The following XRRA1 variants were observed in gnomAD, a reference collection of about 807,000 sequenced individuals.
XRRA1 encodes the protein X-ray radiation resistance-associated protein 1.
In XRRA1, 69 loss-of-function variants were observed where a neutral mutation model predicts 80.2. That is an observed-to-expected ratio of 0.86 (90% CI 0.71 to 1.05). The LOEUF is 1.05. Ranked by LOEUF, XRRA1 falls within the 50% of genes least tolerant of loss-of-function variation. XRRA1 has a pLI of 0.00. For synonymous variants in XRRA1, 348 were observed against 389.9 expected (o/e 0.89, Z 1.27); for missense variants, 967 against 976.4 (o/e 0.99, Z 0.13).
At chr11:74,927,238 A>T (rs1297912176) in intron 7 of XRRA1, among the ~76,000 whole-genome samples, 153 bp downstream of exon 7, 1 of 87,246 alleles carries the variant, frequency 1.1e-5, no homozygotes, top group African/African-American at 4.4e-5. Flanking sequence ...TACAACCCCC[A>T]CCCCCACCCT....
chr11:74,936,529 A>G (rs972707690), intron 4 of XRRA1, among the ~76,000 whole-genome samples: 1 of 152,238 alleles, frequency 6.6e-6, no homozygotes, highest in African/African-American at 2.4e-5. Flanking sequence ...ATAATGTAAA[A>G]GTACAGGCTT....
intron 10 of XRRA1, among the ~76,000 whole-genome samples, chr11:74,895,479 T>C (rs1335227835): frequency 1.3e-5 from 2 of 152,182 alleles, no homozygotes; most frequent in African/African-American, 4.8e-5. Flanking sequence ...CTAGATAAAC[T>C]TGAAAGGCAA....
At chr11:74,920,858 G>A (rs1449062166) in intron 8 of XRRA1, among the ~76,000 whole-genome samples, 4 of 152,212 alleles carry the variant, frequency 2.6e-5, no homozygotes, top group Non-Finnish European at 5.9e-5. Context: ...ACCAGCCAGA[G>A]GAATGGCCTC....
intron 10 of XRRA1, among the ~76,000 whole-genome samples, chr11:74,899,991 C>G (rs1032738750): frequency 1.3e-5 from 2 of 151,942 alleles, no homozygotes; most frequent in Non-Finnish European, 1.5e-5. Context: ...TGGTGAAACC[C>G]TGTCTCTACT....
intron 10 of XRRA1, chr11:74,877,109 T>C (rs1249565073): frequency 6.6e-6 from 1 of 152,238 alleles, no homozygotes; most frequent in African/African-American, 2.4e-5. Context: ...AATATTCTAA[T>C]TGCTGTAATA....
chr11:74,870,833 G>A (rs1466348060), intron 10 of XRRA1, among the ~76,000 whole-genome samples: 1 of 152,156 alleles, frequency 6.6e-6, no homozygotes, highest in Non-Finnish European at 1.5e-5. Flanking sequence ...GGAGGAAAAT[G>A]CCCTCCAAAA....
intron 10 of XRRA1, among the ~76,000 whole-genome samples, chr11:74,888,496 T>C (rs979535187): frequency 1.2e-4 from 18 of 152,146 alleles, no homozygotes; most frequent in Non-Finnish European, 2.4e-4. Flanking sequence ...CTGGAAACTC[T>C]AAAAATCAGA....
intron 7 of XRRA1, among the ~76,000 whole-genome samples, chr11:74,924,302 C>T (rs1201904566): frequency 1.7e-4 from 26 of 150,110 alleles, no homozygotes; most frequent in African/African-American, 5.6e-4. Flanking sequence ...GGTGAAACCC[C>T]GTCTCTACTA....
intron 4 of XRRA1, among the ~76,000 whole-genome samples, chr11:74,935,768 G>A (rs1944817326): frequency 6.6e-6 from 1 of 152,218 alleles, no homozygotes; most frequent in Admixed American, 6.5e-5. Context: ...AATAGGCAGA[G>A]TGGATACCCC....
intron 10 of XRRA1, chr11:74,863,529 G>A (rs760802218): frequency 2.3e-4 from 36 of 157,444 alleles, no homozygotes; most frequent in Non-Finnish European, 4.3e-4. Context: ...GTGAATTCAG[G>A]AGAGATACCA....
At chr11:74,936,637 A>C (rs888917327) in intron 4 of XRRA1, among the ~76,000 whole-genome samples, 1 of 152,250 alleles carries the variant, frequency 6.6e-6, no homozygotes, top group Non-Finnish European at 1.5e-5. Flanking sequence ...CAGTTTTCCC[A>C]TCTGCCCAAT....
chr11:74,869,657 C>T (rs776523225), intron 10 of XRRA1, among the ~76,000 whole-genome samples: 20 of 152,128 alleles, frequency 1.3e-4, no homozygotes, highest in Non-Finnish European at 2.8e-4. Context: ...ATGGGGGCGA[C>T]CATTTTTTTG....
intron 8 of XRRA1, among the ~76,000 whole-genome samples, chr11:74,914,016 ACT>A (rs1565393035): frequency 6.6e-6 from 1 of 151,890 alleles, no homozygotes. Flanking sequence ...ATGGAGTCTC[ACT>A]CTGTCGCCTG....
intron 5 of XRRA1, among the ~76,000 whole-genome samples, chr11:74,931,049 C>T (rs746164318): frequency 6.6e-6 from 1 of 151,944 alleles, no homozygotes. Context: ...TCAAGTAATC[C>T]GCCTGCCTCA....
At chr11:74,859,818 G>C (rs188199143) in intron 11 of XRRA1, among the ~76,000 whole-genome samples, 10 of 152,064 alleles carry the variant, frequency 6.6e-5, no homozygotes, top group Admixed American at 2.6e-4. Context: ...AGTCCTAAAT[G>C]ACTTCAACCT....
At chr11:74,844,833 A>G (rs1343831898) in intron 16 of XRRA1, among the ~76,000 whole-genome samples, 1 of 152,246 alleles carries the variant, frequency 6.6e-6, no homozygotes, top group Non-Finnish European at 1.5e-5. Context: ...ACCAACTAGA[A>G]TCTCTGAATA....
intron 7 of XRRA1, among the ~76,000 whole-genome samples, chr11:74,922,199 G>C (rs1941015430): frequency 7.0e-6 from 1 of 142,452 alleles, no homozygotes; most frequent in African/African-American, 2.6e-5. Flanking sequence ...AGAGGTTGCA[G>C]TGAGCTGAGA....
rs768787275 is a variant in XRRA1 at position 74,845,128 on chromosome 11, G to A, written c.1872C>T (p.His624=). 19 of 1,614,040 alleles carry A rather than the reference G, an allele frequency of 1.2e-5. No homozygotes were observed. Among genetic ancestry groups the A allele is most frequent in the African/African-American group, 8.0e-5 (6 of 75,070 alleles). Residue 624 remains histidine, a synonymous_variant, in exon 16 of 19, where the codon CAC becomes CAT. Transcript: ENST00000684022. ...LPTAFLPSKY[H]GYEELLTAKP... is the part of the protein sequence containing the mutation. ...TGGCTGTCAGCAGTTCTTCATAGCC[G>A]TGGTACTTGCTGGGAAGGAAGGCAG...
intron 11 of XRRA1, among the ~76,000 whole-genome samples, chr11:74,862,047 AGTGACACT>A (rs1426794407): frequency 6.6e-6 from 1 of 152,218 alleles, no homozygotes; most frequent in Non-Finnish European, 1.5e-5. Context: ...AATGTGGAGA[AGTGACACT>A]ATTTCAATTT....
Sources: allele counts gnomAD v4.1 joint callset (sites outside exome capture counted in the v4.1 genomes callset), GRCh38; gene constraint gnomAD v4.1.1; transcripts MANE v1.5; gene names NCBI Gene and HGNC (gene_info 2026-07-23, HGNC 2026-07-21).